The following NCOA2 variants were observed in gnomAD, a reference collection of about 807,000 sequenced individuals.
The protein encoded by NCOA2 is nuclear receptor coactivator 2.
In NCOA2, 21 loss-of-function variants were observed where a neutral mutation model predicts 145.1. The observed-to-expected ratio is 0.14, with a 90% CI of 0.10 to 0.21. The LOEUF is 0.21. NCOA2 is among the 10% of genes least tolerant of loss of function. The probability of loss-of-function intolerance (pLI) is 1.00; values close to 1 mark genes in which losing one functional copy is unlikely to be tolerated. For synonymous variants in NCOA2, 619 were observed against 637.5 expected, an observed-to-expected ratio of 0.97 and a Z score of 0.44; for missense variants, 1,472 against 1,837.6, an observed-to-expected ratio of 0.80 and a Z score of 3.64.
At chr8:70,148,665 C>G (rs1811390247) in intron 11 of NCOA2, among the ~76,000 whole-genome samples, 182 bp from the exon 12 acceptor site, 1 of 152,118 alleles carries the variant, frequency 6.6e-6, no homozygotes, top group South Asian at 2.1e-4. Context: ...TAACAAAGGA[C>G]AAATAATTTA....
At chr8:70,401,710 G>A (rs939668996) in intron 1 of NCOA2, 1 of 152,114 alleles carries the variant, frequency 6.6e-6, no homozygotes, top group Non-Finnish European at 1.5e-5. Flanking sequence ...CATTCTCAGG[G>A]TTCCCTTTCA....
At chr8:70,144,610 C>T in intron 13 of NCOA2, 32 bp downstream of exon 13, 1 of 1,544,070 alleles carries the variant, frequency 6.5e-7, no homozygotes, top group South Asian at 1.1e-5. Context: ...AAATAACCCA[C>T]CAATAAAGTA....
At chr8:70,448,137 AG>A in the NCOA2 span, among the ~76,000 whole-genome samples, 9,526 of 152,184 alleles carry the variant, frequency 0.063, 433 homozygotes, top group Non-Finnish European at 0.098. Context: ...TCCTGAACAA[AG>A]GGATAAAATG....
At position 70,338,038 on chromosome 8, in the gene NCOA2, C is replaced by A. The variant is rs959237869; in HGVS notation, c.-76-41238G>T. Among the ~76,000 whole-genome samples the A allele has an allele frequency of 4.0e-5, 6 of 151,742 alleles. No individual in the cohort carries two copies. The East Asian group carries it at 1.2e-3, about 29-fold the overall frequency. ...ATCACAACTAAAAGAACTAGAGAAC[C>A]ATGAGCAAAAATACCCGAAAGCTAG... On this transcript the variant is annotated intron_variant, in intron 1 of 22. Coordinates refer to ENST00000452400, the MANE Select transcript of NCOA2 (RefSeq NM_006540.4).
Position 70,113,463 on chromosome 8 carries a change from G to T in NCOA2, c.*169C>A. The stretch of plus-strand genomic sequence containing the variant: ...GTCAAGAGAAGAGGCAGCTCCTCCT[G>T]CCACAGCCGAGTGGACGCCACCCTG... On this transcript the variant is annotated 3_prime_UTR_variant, in exon 23 of 23. Coordinates refer to ENST00000452400, the MANE Select transcript of NCOA2 (RefSeq NM_006540.4). The T allele has an allele frequency of 1.5e-6, 1 of 667,244 alleles. No individual in the cohort carries two copies. The highest frequency in any genetic ancestry group is 2.6e-6 in the Non-Finnish European group (1 of 385,994). The allele number at this position is 667,244 out of a possible 1,614,324, so 41.3% of individuals were successfully genotyped here. A position where few individuals can be genotyped will look rare whatever the true frequency, so the allele number is the denominator to read the frequency against.
In NCOA2 at chr8:70,266,769, T is replaced by C. The variant is rs58660914; in HGVS notation, c.-20+29975A>G. ...AATCAATCAATATTTATTGGATGCC[T>C]AGCATGTGACAGGAGACACAGTTCT... On this transcript the variant is annotated intron_variant, in intron 2 of 22. Transcript: ENST00000452400. 7.6e-3 allele frequency among the ~76,000 whole-genome samples: 1,153 copies of C among 152,366 alleles called. 13 individuals are homozygous for C. Among genetic ancestry groups the C allele is most frequent in the African/African-American group, 0.025 (1,032 of 41,578 alleles).
intron 2 of NCOA2, among the ~76,000 whole-genome samples, chr8:70,257,812 T>G (rs534455798): frequency 6.6e-6 from 1 of 152,110 alleles, no homozygotes; most frequent in African/African-American, 2.4e-5. Context: ...TGCTTCTCCC[T>G]TCCTACCTCC....
chr8:70,376,154 T>G lies in NCOA2; in HGVS notation c.-77+27546A>C, dbSNP rs1020273766. On this transcript the variant is annotated intron_variant, in intron 1 of 22. Coordinates refer to ENST00000452400, the MANE Select transcript of NCOA2 (RefSeq NM_006540.4). The stretch of plus-strand genomic sequence containing the variant: ...AAGTAGAAACAGGGCAGGAGGAGGA[T>G]AAGTATTTCCAAATACAAAATGCAG... 2.4e-4 allele frequency among the ~76,000 whole-genome samples: 37 copies of G among 152,284 alleles called. 1 individual carries two copies. The highest frequency in any genetic ancestry group is 2.3e-3 in the Admixed American group (35 of 15,296).
chr8:70,443,574 G>C, the NCOA2 span, among the ~76,000 whole-genome samples: 2 of 151,896 alleles, frequency 1.3e-5, no homozygotes, highest in African/African-American at 2.4e-5. Context: ...GTAAAATTTT[G>C]TTTAGAGACA....
chr8:70,189,712 G>A (rs763445297), intron 4 of NCOA2, among the ~76,000 whole-genome samples: 17 of 152,196 alleles, frequency 1.1e-4, no homozygotes, highest in Non-Finnish European at 2.1e-4. Context: ...GACAAGCTCT[G>A]CCTCTTATAG....
At chr8:70,175,565 C>T (rs981887289) in intron 4 of NCOA2, among the ~76,000 whole-genome samples, 1 of 152,156 alleles carries the variant, frequency 6.6e-6, no homozygotes, top group South Asian at 2.1e-4. Flanking sequence ...ACAGGAAGGC[C>T]CCGGAAGACA....
chr8:70,118,689 T>C (rs1480197228), intron 22 of NCOA2, among the ~76,000 whole-genome samples: 2 of 131,446 alleles, frequency 1.5e-5, no homozygotes, highest in East Asian at 4.2e-4. Context: ...TGGGGGAGGA[T>C]TTTTTTTTTT....
At chr8:70,417,845 A>G in the NCOA2 span, among the ~76,000 whole-genome samples, 1 of 152,170 alleles carries the variant, frequency 6.6e-6, no homozygotes, top group Non-Finnish European at 1.5e-5. Context: ...GTTGCTGACT[A>G]GTTTCCCCTG....
intron 6 of NCOA2, among the ~76,000 whole-genome samples, chr8:70,168,144 G>A (rs1813843529): frequency 6.6e-6 from 1 of 152,126 alleles, no homozygotes; most frequent in Non-Finnish European, 1.5e-5. Flanking sequence ...GCCCATGAAT[G>A]GCCCAGTGAA....
chr8:70,376,760 T>C (rs1338058196), intron 1 of NCOA2, among the ~76,000 whole-genome samples: 2 of 152,212 alleles, frequency 1.3e-5, no homozygotes, highest in Admixed American at 6.5e-5. Context: ...AGCAGTGTTA[T>C]AGATACAGAC....
chr8:70,221,109 A>G lies in NCOA2; in HGVS notation c.-19-4345T>C, dbSNP rs980223985. ...TTGTTATGAGAACAGAAAGACTTAG[A>G]GATTTCCGAGGTTCCTTCTGAGCTC... On this transcript the variant is annotated intron_variant, in intron 2 of 22. Transcript: ENST00000452400. Among the ~76,000 whole-genome samples the G allele has an allele frequency of 2.6e-5, 4 of 152,204 alleles. No homozygotes were observed. The East Asian group carries it at 7.7e-4, about 29-fold the overall frequency.
rs549607349 is a variant in NCOA2 at position 70,320,598 on chromosome 8, G to A, written c.-76-23798C>T. The stretch of plus-strand genomic sequence containing the variant: ...ATAAGAAGGGTTGTAAAAGGTTTGT[G>A]GAAAATGAAACTTGCAAAAGAAATT... On this transcript the variant is annotated intron_variant, in intron 1 of 22. Transcript: ENST00000452400. 2.0e-5 allele frequency among the ~76,000 whole-genome samples: 3 copies of A among 152,096 alleles called. No homozygotes were observed. The East Asian group carries it at 5.8e-4, about 29-fold the overall frequency.
chr8:70,124,164 G>T, intron 20 of NCOA2, 82 bp from the exon 21 acceptor site: 1 of 1,336,636 alleles, frequency 7.5e-7, no homozygotes, highest in Non-Finnish European at 1.0e-6. Flanking sequence ...TTGTTTCTCA[G>T]GCGTTTACTC....
At chr8:70,420,278 T>C in the NCOA2 span, among the ~76,000 whole-genome samples, 2 of 152,258 alleles carry the variant, frequency 1.3e-5, no homozygotes, top group African/African-American at 4.8e-5. Context: ...GGACTTATTT[T>C]ACAACAAAAA....
Sources: gnomAD v4.1 joint callset for allele counts (sites outside exome capture counted in the v4.1 genomes callset) on GRCh38, gnomAD v4.1.1 for gene constraint, MANE v1.5 for transcripts, NCBI Gene and HGNC (gene_info 2026-07-23, HGNC 2026-07-21) for gene names.